NEK5: variants seen among roughly 807,000 people sequenced by gnomAD.
The protein encoded by NEK5 is NIMA related kinase 5.
NEK5 carries 88 observed loss-of-function variants against 109.2 expected under a neutral mutation model. That is an observed-to-expected ratio of 0.81 (90% CI 0.68 to 0.96). The LOEUF (loss-of-function observed/expected upper bound fraction) is 0.96. NEK5 is among the 40% of genes least tolerant of loss of function. The pLI, the probability that NEK5 is intolerant of heterozygous loss-of-function variation, is 0.00. For synonymous variants in NEK5, 283 were observed against 299.9 expected (o/e 0.94, Z 0.58); for missense variants, 834 against 920.7 (o/e 0.91, Z 1.22).
chr13:52,078,838 C>T (rs750941017), intron 17 of NEK5, among the ~76,000 whole-genome samples: 2 of 152,208 alleles, frequency 1.3e-5, no homozygotes, highest in Admixed American at 1.3e-4. Context: ...AATCTGAGAT[C>T]GTTGTATTTT....
rs188061729 is a variant in NEK5, at chr13:52,126,489, T to C, written c.117+877A>G. On this transcript the variant is annotated intron_variant, in intron 3 of 23. Coordinates refer to ENST00000684899, the MANE Select transcript of NEK5 (RefSeq NM_001365552.1). ...AGCATTATACATGCTAGTAAGAAAA[T>C]AAACCAGGCCAGAAGCAGTGGCTCA... is the stretch of plus-strand genomic sequence containing the variant. Among the ~76,000 whole-genome samples the C allele has an allele frequency of 1.3e-4, 20 of 152,118 alleles. No homozygotes were observed. In the East Asian group the frequency reaches 3.9e-3, roughly 29 times the overall value.
chr13:52,125,780 C>T (rs1332511821), intron 3 of NEK5, among the ~76,000 whole-genome samples: 6 of 151,938 alleles, frequency 3.9e-5, no homozygotes, highest in Non-Finnish European at 8.8e-5. Context: ...CAGAGATAAG[C>T]CTGAGGGAGA....
rs1293464551 is a variant in NEK5 at position 52,076,141 on chromosome 13, G to GT, written c.1574dup (p.Asp525GlufsTer3). The GT allele has an allele frequency of 1.9e-6, 3 of 1,567,664 alleles. No individual in the cohort carries two copies. In the South Asian group the frequency reaches 3.4e-5, roughly 18 times the overall value. On this transcript the variant is annotated frameshift_variant and splice_region_variant, in exon 18 of 24. Coordinates refer to ENST00000684899, the MANE Select transcript of NEK5 (RefSeq NM_001365552.1). LOFTEE classifies it high-confidence loss of function. ...TCATTTGTTTCAAGTCTTTTTCAAT[G>GT]TCCTGAAAATTTAGAGAAAAATACA...
chr13:52,066,474 T>C (rs1010189070), intron 20 of NEK5, among the ~76,000 whole-genome samples: 5 of 152,094 alleles, frequency 3.3e-5, no homozygotes, highest in African/African-American at 4.8e-5. Context: ...GGTTTTTTTT[T>C]CTATGTATTT....
chr13:52,066,523 C>A (rs868413063), intron 20 of NEK5, among the ~76,000 whole-genome samples: 2 of 151,740 alleles, frequency 1.3e-5, no homozygotes, highest in Non-Finnish European at 1.5e-5. Context: ...AAAATTAACT[C>A]GGCCGGGTGC....
At chr13:52,065,258 T>A in intron 21 of NEK5, 3 of 601,046 alleles carry the variant, frequency 5.0e-6, no homozygotes, top group South Asian at 4.5e-5. Flanking sequence ...CATCCTGGAT[T>A]TTTCCTCCTT....
In NEK5 at chr13:52,101,967, C is replaced by T. The variant is rs576144795; in HGVS notation, c.858G>A (p.Ala286=). ...FSHMLICRAG[A]PASRHAGKVV... Reference sequence around the variant, plus strand: ...CCTTCCCAGCATGTCGAGAAGCTGGCGCTCCTGCTCTGCATATAAGCATGT... The same window carrying T: ...CCTTCCCAGCATGTCGAGAAGCTGGTGCTCCTGCTCTGCATATAAGCATGT... Residue 286 remains alanine, a synonymous_variant, in exon 11 of 24, where the codon GCG becomes GCA. Transcript: ENST00000684899. The T allele has an allele frequency of 9.9e-6, 16 of 1,614,138 alleles. No individual in the cohort carries two copies. Among genetic ancestry groups the T allele is most frequent in the South Asian group, 9.9e-5 (9 of 91,082 alleles).
chr13:52,098,486 A>C (rs1955466008), intron 12 of NEK5, among the ~76,000 whole-genome samples: 1 of 152,176 alleles, frequency 6.6e-6, no homozygotes, highest in Non-Finnish European at 1.5e-5. Flanking sequence ...AAAAGACAGT[A>C]GCCATTTTAT....
rs142097968 is a variant in NEK5, at chr13:52,087,386, C to T, written c.1344G>A (p.Glu448=). Residue 448 remains glutamate (E), a synonymous_variant, in exon 15 of 24, where the codon GAG becomes GAA. Transcript: ENST00000684899. ...TAAATGGCAGCTCCTGGAATCTAGG[C>T]TCTTCTCCATTACTTCTTAGCTCTT... ...QRQELRSNGE[E]PRFQELPFRK... 5.0e-5 allele frequency: 81 copies of T among 1,612,064 alleles called. No individual in the cohort carries two copies. The highest frequency in any genetic ancestry group is 6.8e-5 in the Non-Finnish European group (80 of 1,178,368).
At chr13:52,098,355 AT>A (rs1337865534) in intron 12 of NEK5, among the ~76,000 whole-genome samples, 2 of 152,144 alleles carry the variant, frequency 1.3e-5, no homozygotes, top group Non-Finnish European at 2.9e-5. Context: ...TTTTAAAAAA[AT>A]GTTTATATAC....
chr13:52,102,119 A>T lies in NEK5; in HGVS notation c.783T>A (p.Asn261Lys). 6.2e-7 allele frequency: 1 copy of T among 1,614,078 alleles called. No homozygotes were observed. Among genetic ancestry groups the T allele is most frequent in the Non-Finnish European group, 8.5e-7 (1 of 1,179,926 alleles). The change falls in exon 10 of 24, where the codon AAT (asparagine) becomes AAA (lysine). Residue 261 changes from asparagine to lysine, a missense_variant. This residue lies in a region of NEK5 where 777 missense variants were observed against 824.7 expected (regional missense o/e 0.94). Coordinates refer to ENST00000684899, the MANE Select transcript of NEK5 (RefSeq NM_001365552.1). ...CAGGAGTCAAATATTTGGGAATAAG[A>T]TTCTCTAAAAAGGGCCTTTTCAAAA... ...NSILKRPFLENLIPKYLTPEV... is the reference protein window; with the variant it reads ...NSILKRPFLEKLIPKYLTPEV...
intron 12 of NEK5, among the ~76,000 whole-genome samples, chr13:52,093,885 T>C (rs2137948358): frequency 6.6e-6 from 1 of 152,310 alleles, no homozygotes; most frequent in Middle Eastern, 3.4e-3. Context: ...CATAAACTCA[T>C]TTATACCTTA....
At chr13:52,039,276 G>A (rs550914187) in intron 23 of NEK5, among the ~76,000 whole-genome samples, 1 of 152,264 alleles carries the variant, frequency 6.6e-6, no homozygotes, top group East Asian at 1.9e-4. Context: ...GAGGGATGAG[G>A]GTTTGGAATC....
intron 12 of NEK5, among the ~76,000 whole-genome samples, chr13:52,097,894 G>A (rs1458720719): frequency 6.6e-6 from 1 of 152,158 alleles, no homozygotes; most frequent in African/African-American, 2.4e-5. Flanking sequence ...GGAGGGGCCT[G>A]GTGGAAGGTG....
intron 13 of NEK5, among the ~76,000 whole-genome samples, chr13:52,091,760 G>C (rs757597843): frequency 6.6e-6 from 1 of 152,158 alleles, no homozygotes; most frequent in Non-Finnish European, 1.5e-5. Flanking sequence ...GTCAACATCA[G>C]TGTGAAAAAA....
chr13:52,041,690 T>C (rs1278690223), intron 23 of NEK5, among the ~76,000 whole-genome samples: 1 of 120,738 alleles, frequency 8.3e-6, no homozygotes, highest in Non-Finnish European at 1.6e-5. Context: ...ATCACACCAC[T>C]GCACTCCAGC....
chr13:52,108,535 A>G (rs1955697713), intron 7 of NEK5, 131 bp from the exon 8 acceptor site: 2 of 530,960 alleles, frequency 3.8e-6, no homozygotes, highest in Non-Finnish European at 3.3e-6. Flanking sequence ...GTGTTAGAAG[A>G]AAGCAAAACA....
intron 8 of NEK5, among the ~76,000 whole-genome samples, chr13:52,107,636 T>C (rs1270982836): frequency 2.6e-5 from 4 of 151,712 alleles, no homozygotes; most frequent in Non-Finnish European, 5.9e-5. Flanking sequence ...ACAAAGGCTG[T>C]AATGTAACAA....
chr13:52,057,319 C>T (rs1360403659), intron 22 of NEK5, among the ~76,000 whole-genome samples: 13 of 150,968 alleles, frequency 8.6e-5, no homozygotes, highest in African/African-American at 3.2e-4. Context: ...GCTTACCAAC[C>T]AAAAAGAGTC....
Sources: allele counts gnomAD v4.1 joint callset (sites outside exome capture counted in the v4.1 genomes callset), GRCh38; gene constraint gnomAD v4.1.1; regional missense constraint gnomAD v4.1.1; transcripts MANE v1.5; gene names NCBI Gene and HGNC (gene_info 2026-07-23, HGNC 2026-07-21).